The following MAP2K5 variants were observed in gnomAD, a reference collection of about 807,000 sequenced individuals.
The protein encoded by MAP2K5 is mitogen-activated protein kinase kinase 5, also known as dual specificity mitogen-activated protein kinase kinase 5.
A neutral mutation model predicts 83.1 loss-of-function variants in MAP2K5; 49 were observed. That is an observed-to-expected ratio of 0.59 (90% CI 0.47 to 0.75). The LOEUF (loss-of-function observed/expected upper bound fraction) is 0.75, where lower values mean the gene tolerates loss of function less well. Ranked by LOEUF, MAP2K5 falls within the 30% of genes least tolerant of loss-of-function variation. MAP2K5 has a pLI of 0.00. For missense variants in MAP2K5, 457 were observed against 557.5 expected (o/e 0.82, Z 1.82); for synonymous variants, 202 against 191.8 (o/e 1.05, Z -0.44).
chr15:67,631,011 A>G, intron 9 of MAP2K5, 84 bp downstream of exon 9: 1 of 1,118,780 alleles, frequency 8.9e-7, no homozygotes, highest in Non-Finnish European at 1.3e-6. Flanking sequence ...ATATTGTCAA[A>G]GAGGAGATGA....
chr15:67,569,079 A>G (rs761733080), intron 3 of MAP2K5, among the ~76,000 whole-genome samples: 16 of 151,768 alleles, frequency 1.1e-4, no homozygotes, highest in African/African-American at 3.6e-4. Flanking sequence ...GTCCTTACCT[A>G]CAAGGCTGTG....
At chr15:67,684,869 T>C (rs552563018) in intron 13 of MAP2K5, among the ~76,000 whole-genome samples, 2 of 152,274 alleles carry the variant, frequency 1.3e-5, no homozygotes, top group African/African-American at 4.8e-5. Flanking sequence ...GATATTGAGG[T>C]TAAAGATCTG....
rs2084730282 is a variant in MAP2K5, at chr15:67,561,242, A to T, written c.185-2041A>T. On this transcript the variant is annotated intron_variant, in intron 2 of 21. Transcript: ENST00000178640. This position sits in a 1 kb window ranked among gnomAD's most constrained non-coding sequence, Gnocchi z 4.2. ...GCTTTCATGTGTGGTGATATGTAAC[A>T]TTACATCATTTGTACTTTGTTTTTT... 6.6e-6 allele frequency among the ~76,000 whole-genome samples: 1 copy of T among 152,212 alleles called. No homozygotes were observed. Among genetic ancestry groups the T allele is most frequent in the Non-Finnish European group, 1.5e-5 (1 of 68,042 alleles).
rs1357336649 is a variant in MAP2K5 at position 67,794,577 on chromosome 15, C to T, written c.1243-12069C>T. 6.7e-6 allele frequency among the ~76,000 whole-genome samples: 1 copy of T among 150,132 alleles called. No individual in the cohort carries two copies. The highest frequency in any genetic ancestry group is 1.5e-5 in the Non-Finnish European group (1 of 67,818). On this transcript the variant is annotated intron_variant, in intron 21 of 21. Coordinates refer to ENST00000178640, the MANE Select transcript of MAP2K5 (RefSeq NM_145160.3). This position sits in a 1 kb window ranked among gnomAD's most constrained non-coding sequence, Gnocchi z 4.6. ...CAAATTTTCCCCAGCCAGCTCCCTG[C>T]ACTCCTGACCCTCAGCAGCCCATTC...
At chr15:67,670,271 C>T (rs773292224) in intron 13 of MAP2K5, 5 of 363,082 alleles carry the variant, frequency 1.4e-5, no homozygotes, top group Non-Finnish European at 2.2e-5. Flanking sequence ...ATACAATTTT[C>T]CATCCTATGG....
intron 3 of MAP2K5, among the ~76,000 whole-genome samples, chr15:67,569,972 T>C (rs1057341038): frequency 2.2e-4 from 34 of 152,226 alleles, no homozygotes; most frequent in African/African-American, 8.0e-4. Context: ...TTAAGAGGAA[T>C]AGCAGAATTG....
rs183666293 is a variant in MAP2K5, at chr15:67,763,678, C to G, written c.1135-5924C>G. 3.3e-5 allele frequency among the ~76,000 whole-genome samples: 5 copies of G among 151,634 alleles called. No individual in the cohort carries two copies. The East Asian group carries it at 9.7e-4, about 29-fold the overall frequency. ...TTTTTTTAAACAAACTCGATTTTCTCCCCAAGCAAGTACAGATTTGCCCTA... is the reference window on the plus strand; with the variant it reads ...TTTTTTTAAACAAACTCGATTTTCTGCCCAAGCAAGTACAGATTTGCCCTA... On this transcript the variant is annotated intron_variant, in intron 19 of 21. Coordinates refer to ENST00000178640, the MANE Select transcript of MAP2K5 (RefSeq NM_145160.3).
At chr15:67,733,839 A>G (rs2089280209) in intron 17 of MAP2K5, among the ~76,000 whole-genome samples, 1 of 152,240 alleles carries the variant, frequency 6.6e-6, no homozygotes, top group Non-Finnish European at 1.5e-5. Context: ...TAGATAGTTC[A>G]GAAATGAAAA....
At chr15:67,714,439 AAAAAAAAAAAAAAAAAC>A (rs2088781405) in intron 16 of MAP2K5, among the ~76,000 whole-genome samples, 1 of 145,144 alleles carries the variant, frequency 6.9e-6, no homozygotes, top group African/African-American at 2.6e-5. Context: ...AAAAAAAAAA[AAAAAAAAAAAAAAAAAC>A]CACCACCCTG....
At chr15:67,545,085 A>G (rs1181569150) in intron 1 of MAP2K5, among the ~76,000 whole-genome samples, 1 of 151,794 alleles carries the variant, frequency 6.6e-6, no homozygotes, top group Non-Finnish European at 1.5e-5. Context: ...GTTGATTTTC[A>G]TTTCTCCCAG....
intron 16 of MAP2K5, among the ~76,000 whole-genome samples, chr15:67,707,801 C>T (rs1420036961): frequency 6.6e-6 from 1 of 152,228 alleles, no homozygotes; most frequent in Non-Finnish European, 1.5e-5. Flanking sequence ...CATTTCCCAG[C>T]ACACTCTAAG....
At chr15:67,634,576 G>A (rs1259478857) in intron 9 of MAP2K5, among the ~76,000 whole-genome samples, 1 of 151,828 alleles carries the variant, frequency 6.6e-6, no homozygotes, top group Non-Finnish European at 1.5e-5. Flanking sequence ...CTACAGTTCT[G>A]TTATTTTTTA....
intron 19 of MAP2K5, among the ~76,000 whole-genome samples, chr15:67,767,661 A>C (rs1303325267): frequency 6.6e-6 from 1 of 152,208 alleles, no homozygotes; most frequent in Non-Finnish European, 1.5e-5. Context: ...AACAGGCTGC[A>C]GCTGAAATTG....
At chr15:67,730,357 C>G (rs1364232304) in intron 17 of MAP2K5, among the ~76,000 whole-genome samples, 1 of 152,204 alleles carries the variant, frequency 6.6e-6, no homozygotes, top group Non-Finnish European at 1.5e-5. Context: ...GAAATAGCCT[C>G]CCCTCATAAA....
intron 8 of MAP2K5, among the ~76,000 whole-genome samples, chr15:67,629,391 G>A (rs1277303194): frequency 7.3e-5 from 2 of 27,508 alleles, no homozygotes; most frequent in African/African-American, 3.5e-4. Flanking sequence ...GTGATCTAAT[G>A]TAGATTTTTT....
At position 67,806,871 on chromosome 15, in the gene MAP2K5, C is replaced by T. The variant is rs77178181; in HGVS notation, c.*121C>T. The T allele has an allele frequency of 3.8e-4, 610 of 1,595,098 alleles. 6 individuals are homozygous for T. In the East Asian group the frequency reaches 0.013, roughly 35 times the overall value. ...TGCTGGGCCCTGGCTTCCCTGCCCT[C>T]GCCTTCACCTCTGTCAGCAGGTGGC... On this transcript the variant is annotated 3_prime_UTR_variant, in exon 22 of 22. Transcript: ENST00000178640.
chr15:67,633,279 T>C (rs2086517377), intron 9 of MAP2K5, among the ~76,000 whole-genome samples: 1 of 152,210 alleles, frequency 6.6e-6, no homozygotes, highest in South Asian at 2.1e-4. Flanking sequence ...TTTGTTCCTT[T>C]TATGTCAGAA....
intron 13 of MAP2K5, among the ~76,000 whole-genome samples, chr15:67,684,030 G>T (rs1403365573): frequency 6.6e-6 from 1 of 152,178 alleles, no homozygotes; most frequent in African/African-American, 2.4e-5. Context: ...ACAGAATTTG[G>T]AGTTCAAGGA....
chr15:67,794,321 A>G lies in MAP2K5; in HGVS notation c.1243-12325A>G, dbSNP rs981779293. Among the ~76,000 whole-genome samples, 1 of 152,248 alleles carries G rather than the reference A, an allele frequency of 6.6e-6. No individual in the cohort carries two copies. The highest frequency in any genetic ancestry group is 1.5e-5 in the Non-Finnish European group (1 of 68,040). The stretch of plus-strand genomic sequence containing the variant: ...GTTTTAGAAAATATTGCTCAAGGCT[A>G]AGAGTGAGTTCTATTGATGATTTTT... On this transcript the variant is annotated intron_variant, in intron 21 of 21. Transcript: ENST00000178640. The surrounding 1 kb of genome is among the most constrained non-coding windows in gnomAD (Gnocchi z 4.6).
Sources: allele counts gnomAD v4.1 joint callset (sites outside exome capture counted in the v4.1 genomes callset), GRCh38; gene constraint gnomAD v4.1.1; non-coding constraint Gnocchi (gnomAD v3.1); transcripts MANE v1.5; gene names NCBI Gene and HGNC (gene_info 2026-07-23, HGNC 2026-07-21).